PARD3B: variants seen among roughly 807,000 people sequenced by gnomAD.
PARD3B encodes the protein par-3 family cell polarity regulator beta, also known as partitioning defective 3 homolog B.
In PARD3B, 103 loss-of-function variants were observed where a neutral mutation model predicts 130.2. That is an observed-to-expected ratio of 0.79 (90% CI 0.67 to 0.93). PARD3B has a LOEUF of 0.93. Among genes scored for constraint, PARD3B ranks in the 40% least tolerant of loss-of-function variants. PARD3B has a pLI of 0.00. For missense variants in PARD3B, 1,609 were observed against 1,499.2 expected (o/e 1.07, Z -1.21); for synonymous variants, 583 against 553.2 (o/e 1.05, Z -0.76).
At chr2:205,476,569 A>T (rs1314098924) in intron 20 of PARD3B, among the ~76,000 whole-genome samples, 1 of 152,128 alleles carries the variant, frequency 6.6e-6, no homozygotes, top group Non-Finnish European at 1.5e-5. Flanking sequence ...TAGCATGATT[A>T]TTCCTGTGCT....
intron 21 of PARD3B, among the ~76,000 whole-genome samples, chr2:205,548,743 G>A (rs753240747): frequency 6.6e-6 from 1 of 152,112 alleles, no homozygotes; most frequent in Non-Finnish European, 1.5e-5. Context: ...CCAAAGGCAT[G>A]ATCTGTGAAA....
intron 20 of PARD3B, among the ~76,000 whole-genome samples, chr2:205,443,283 C>T (rs1389978219): frequency 6.6e-6 from 1 of 152,136 alleles, no homozygotes; most frequent in African/African-American, 2.4e-5. Context: ...CTAAACATAC[C>T]ATACGTACTG....
intron 4 of PARD3B, among the ~76,000 whole-genome samples, chr2:205,096,711 C>G (rs954702509): frequency 6.6e-6 from 1 of 152,122 alleles, no homozygotes; most frequent in Non-Finnish European, 1.5e-5. Context: ...CTCCATAAGC[C>G]AAGGATTTGA....
At chr2:205,162,979 G>A (rs565806248) in intron 11 of PARD3B, among the ~76,000 whole-genome samples, 6 of 151,942 alleles carry the variant, frequency 3.9e-5, no homozygotes, top group Non-Finnish European at 8.8e-5. Flanking sequence ...TTACATCTAT[G>A]GACTACACTT....
At chr2:205,035,828 T>TATATATATATATATATATATATAGTGGG (rs1559374303) in intron 3 of PARD3B, among the ~76,000 whole-genome samples, 18 of 7,974 alleles carry the variant, frequency 2.3e-3, no homozygotes, top group African/African-American at 7.2e-3. Context: ...TATCTATATA[T>TATATATATATATATATATATATAGTGGG]CTATATATAT....
intron 22 of PARD3B, among the ~76,000 whole-genome samples, chr2:205,610,935 T>G (rs1000248763): frequency 6.6e-6 from 1 of 152,180 alleles, no homozygotes; most frequent in Non-Finnish European, 1.5e-5. Context: ...GGGTTTTCTC[T>G]TTACTTTAAA....
chr2:204,742,393 G>A (rs535798053), intron 2 of PARD3B, among the ~76,000 whole-genome samples: 1 of 152,234 alleles, frequency 6.6e-6, no homozygotes, highest in African/African-American at 2.4e-5. Context: ...GTAGACCAGG[G>A]TGGGACTCTG....
chr2:204,992,095 G>C (rs982824426), intron 3 of PARD3B, among the ~76,000 whole-genome samples: 25 of 151,870 alleles, frequency 1.6e-4, no homozygotes, highest in Middle Eastern at 3.4e-3. Flanking sequence ...GATCCCATTT[G>C]TCAATTTTGG....
At chr2:204,734,608 G>A (rs190970091) in intron 2 of PARD3B, among the ~76,000 whole-genome samples, 2 of 152,282 alleles carry the variant, frequency 1.3e-5, no homozygotes, top group East Asian at 3.9e-4. Context: ...AAACATGGAT[G>A]AGTCTCAAAA....
At chr2:205,377,734 C>T (rs77430683) in intron 18 of PARD3B, among the ~76,000 whole-genome samples, 4 of 149,920 alleles carry the variant, frequency 2.7e-5, no homozygotes, top group Non-Finnish European at 5.9e-5. Context: ...GTTTTGATAT[C>T]GAGACCAAGT....
chr2:205,057,996 C>T (rs1281518453), intron 4 of PARD3B, among the ~76,000 whole-genome samples: 1 of 151,600 alleles, frequency 6.6e-6, no homozygotes, highest in Non-Finnish European at 1.5e-5. Flanking sequence ...CTGCATCCAT[C>T]ACTACCACCT....
chr2:204,771,635 A>G (rs1025199263), intron 2 of PARD3B, among the ~76,000 whole-genome samples: 1 of 152,118 alleles, frequency 6.6e-6, no homozygotes, highest in Admixed American at 6.6e-5. Flanking sequence ...ATACCCATAT[A>G]ACAAACCTGC....
At chr2:205,360,486 C>A (rs1247740764) in intron 18 of PARD3B, among the ~76,000 whole-genome samples, 1 of 152,200 alleles carries the variant, frequency 6.6e-6, no homozygotes, top group Non-Finnish European at 1.5e-5. Context: ...GATAGACTTA[C>A]CTTTCACATT....
chr2:204,756,647 A>ACT (rs986986799), intron 2 of PARD3B, among the ~76,000 whole-genome samples: 1 of 152,064 alleles, frequency 6.6e-6, no homozygotes, highest in African/African-American at 2.4e-5. Context: ...AATATTCCCA[A>ACT]CTCTCTGAGA....
chr2:205,097,307 T>G (rs1702459037), intron 4 of PARD3B, among the ~76,000 whole-genome samples: 1 of 152,062 alleles, frequency 6.6e-6, no homozygotes, highest in South Asian at 2.1e-4. Flanking sequence ...CAGCAAGTAT[T>G]TATTGTGGTG....
chr2:204,551,933 G>T (rs2030494173), intron 1 of PARD3B, among the ~76,000 whole-genome samples: 1 of 152,178 alleles, frequency 6.6e-6, no homozygotes, highest in East Asian at 1.9e-4. Flanking sequence ...GAACTTTCTG[G>T]GATGAAGAGA....
At chr2:205,515,477 C>T (rs952264715) in intron 21 of PARD3B, among the ~76,000 whole-genome samples, 15 of 147,748 alleles carry the variant, frequency 1.0e-4, no homozygotes, top group African/African-American at 3.8e-4. Context: ...TATGAGTGTT[C>T]CCTTTTCTCC....
At chr2:204,786,505 C>CT (rs2125463261) in intron 2 of PARD3B, among the ~76,000 whole-genome samples, 2 of 151,438 alleles carry the variant, frequency 1.3e-5, no homozygotes, top group East Asian at 3.9e-4. Context: ...ACACAGTGGC[C>CT]TGAATTGACT....
chr2:205,084,507 C>T (rs1192207129), intron 4 of PARD3B, among the ~76,000 whole-genome samples: 1 of 152,050 alleles, frequency 6.6e-6, no homozygotes, highest in African/African-American at 2.4e-5. Flanking sequence ...TTCACCATCA[C>T]TCTTTCATTT....
Sources: gnomAD v4.1 joint callset for allele counts (sites outside exome capture counted in the v4.1 genomes callset) on GRCh38, gnomAD v4.1.1 for gene constraint, MANE v1.5 for transcripts, NCBI Gene and HGNC (gene_info 2026-07-23, HGNC 2026-07-21) for gene names.